Variants in KLF7 observed in about 807,000 individuals in gnomAD.
The protein encoded by KLF7 is Krueppel-like factor 7.
KLF7 carries 2 observed loss-of-function variants against 27.3 expected under a neutral mutation model. That is an observed-to-expected ratio of 0.07 (90% CI 0.03 to 0.23). The LOEUF (loss-of-function observed/expected upper bound fraction) is 0.23, where lower values mean the gene tolerates loss of function less well. Among genes scored for constraint, KLF7 ranks in the 10% least tolerant of loss-of-function variants. The probability of loss-of-function intolerance (pLI) is 1.00; values close to 1 mark genes in which losing one functional copy is unlikely to be tolerated. For synonymous variants in KLF7, 165 were observed against 162.4 expected, an observed-to-expected ratio of 1.02 and a Z score of -0.12; for missense variants, 221 against 394.1, an observed-to-expected ratio of 0.56 and a Z score of 3.72.
At chr2:207,102,174 C>T (rs1458989398) in intron 2 of KLF7, among the ~76,000 whole-genome samples, 1 of 151,538 alleles carries the variant, frequency 6.6e-6, no homozygotes. Flanking sequence ...CCCTCCCCCC[C>T]AATCTGCAAA....
chr2:207,136,145 T>C (rs2106038319), intron 1 of KLF7, among the ~76,000 whole-genome samples: 2 of 152,268 alleles, frequency 1.3e-5, no homozygotes, highest in African/African-American at 4.8e-5. Context: ...TCCAGCAAAC[T>C]ACTGAATCTG....
chr2:207,168,250 GGACATATCGGTTA>G (rs1451732079), upstream of KLF7, among the ~76,000 whole-genome samples: 14 of 152,162 alleles, frequency 9.2e-5, no homozygotes, highest in Non-Finnish European at 1.5e-4. Context: ...GAATAAAATA[GGACATATCGGTTA>G]ACGTGAGTTT....
At chr2:207,141,397 T>C (rs980689896) in intron 1 of KLF7, among the ~76,000 whole-genome samples, 3 of 152,090 alleles carry the variant, frequency 2.0e-5, no homozygotes, top group African/African-American at 7.2e-5. Flanking sequence ...TAACACATCT[T>C]CCCATAAATC....
At chr2:207,146,747 C>T (rs376581884) in intron 1 of KLF7, among the ~76,000 whole-genome samples, 9 of 152,084 alleles carry the variant, frequency 5.9e-5, no homozygotes, top group Non-Finnish European at 1.2e-4. Context: ...ACCAGAAAAA[C>T]GGAAGAAAGA....
chr2:207,166,246 G>A (rs1406408247), upstream of KLF7: 3 of 927,044 alleles, frequency 3.2e-6, no homozygotes, highest in Admixed American at 6.2e-5. Context: ...GGAGCCCGGA[G>A]CAGAGCCTGG....
intron 1 of KLF7, among the ~76,000 whole-genome samples, chr2:207,136,995 C>T (rs536742541): frequency 6.6e-6 from 1 of 152,226 alleles, no homozygotes; most frequent in East Asian, 1.9e-4. Context: ...TTGTGGCTGC[C>T]CATTTCAAAT....
rs1319035443 is a variant in KLF7 at position 207,165,945 on chromosome 2, T to C, written c.-377A>G. 9.5e-7 allele frequency: 1 copy of C among 1,057,440 alleles called. No homozygotes were observed. Among genetic ancestry groups the C allele is most frequent in the Non-Finnish European group, 1.1e-6 (1 of 873,342 alleles). 65.5% of individuals were successfully genotyped at this position (1,057,440 alleles called of 1,614,324 possible). ...AAGCTGCCATCTATTTCTGCAGCGC[T>C]GTTCGCTCCTAATGCAATCTTTGCT... On this transcript the variant is annotated 5_prime_UTR_variant, in exon 1 of 4. Coordinates refer to ENST00000309446, the MANE Select transcript of KLF7 (RefSeq NM_003709.4).
At position 207,074,558 on chromosome 2, in the gene KLF7, G is replaced by A. The variant is rs1384065734; in HGVS notation, c.*6655C>T. 6.6e-6 allele frequency: 1 copy of A among 152,024 alleles called. No individual in the cohort carries two copies. Among genetic ancestry groups the A allele is most frequent in the African/African-American group, 2.4e-5 (1 of 41,364 alleles). 9.4% of individuals were successfully genotyped at this position (152,024 alleles called of 1,614,324 possible). A position where few individuals can be genotyped will look rare whatever the true frequency, so the allele number is the denominator to read the frequency against. ...CAGCCAGCTGGATTTCCTGGCTTCCGGTTACCCATTTCCTCCCCACTCCAA... is the reference window on the plus strand; with the variant it reads ...CAGCCAGCTGGATTTCCTGGCTTCCAGTTACCCATTTCCTCCCCACTCCAA... On this transcript the variant is annotated 3_prime_UTR_variant, in exon 4 of 4. Coordinates refer to ENST00000309446, the MANE Select transcript of KLF7 (RefSeq NM_003709.4).
chr2:207,169,294 G>A (rs1237040783), upstream of KLF7, among the ~76,000 whole-genome samples: 1 of 151,974 alleles, frequency 6.6e-6, no homozygotes, highest in East Asian at 1.9e-4. Flanking sequence ...AAATAAATGA[G>A]GATATTTTAA....
rs1006386117 is a variant in KLF7, at chr2:207,075,008, G to T, written c.*6205C>A. ...TTTCTCCAAGAAAGAAAACTTTCAC[G>T]AAGTATGTAAGTACCCACTTGCGTC... On this transcript the variant is annotated 3_prime_UTR_variant, in exon 4 of 4. Coordinates refer to ENST00000309446, the MANE Select transcript of KLF7 (RefSeq NM_003709.4). The T allele has an allele frequency of 3.3e-5, 5 of 152,022 alleles. No homozygotes were observed. The highest frequency in any genetic ancestry group is 7.4e-5 in the Non-Finnish European group (5 of 68,010). 9.4% of individuals were successfully genotyped at this position (152,022 alleles called of 1,614,324 possible).
intron 1 of KLF7, among the ~76,000 whole-genome samples, chr2:207,150,473 G>A (rs553159063): frequency 3.3e-5 from 5 of 152,148 alleles, no homozygotes; most frequent in South Asian, 4.2e-4. Flanking sequence ...AACAAGAAGC[G>A]ATAGTTTAAG....
chr2:207,093,137 C>CT lies in KLF7; in HGVS notation c.734-4557dup. ...CTATATATTTCCATATAAATGGTCT[C>CT]TTTGACATCCACTGGATTTTATGCA... On this transcript the variant is annotated intron_variant, in intron 2 of 3. Transcript: ENST00000309446. 2.0e-5 allele frequency among the ~76,000 whole-genome samples: 3 copies of CT among 152,298 alleles called. No individual in the cohort carries two copies. In the East Asian group the frequency reaches 5.8e-4, roughly 29 times the overall value.
intron 2 of KLF7, among the ~76,000 whole-genome samples, chr2:207,090,320 G>A (rs988618397): frequency 6.6e-6 from 1 of 152,306 alleles, no homozygotes; most frequent in Non-Finnish European, 1.5e-5. Flanking sequence ...AAGATGTGCT[G>A]GCTGAAGAAA....
chr2:207,095,742 T>C (rs771292756), intron 2 of KLF7, among the ~76,000 whole-genome samples: 1 of 152,168 alleles, frequency 6.6e-6, no homozygotes, highest in African/African-American at 2.4e-5. Context: ...AAATTTAGCA[T>C]GAGATACCCT....
chr2:207,083,459 C>T (rs1376571599), intron 3 of KLF7, among the ~76,000 whole-genome samples: 2 of 152,132 alleles, frequency 1.3e-5, no homozygotes, highest in East Asian at 1.9e-4. Context: ...AAAGAAGGTA[C>T]CATTCTTATT....
At chr2:207,145,087 G>GT (rs2078061476) in intron 1 of KLF7, among the ~76,000 whole-genome samples, 1 of 152,176 alleles carries the variant, frequency 6.6e-6, no homozygotes. Context: ...TGGAACTCTC[G>GT]TATCTATATT....
rs1384083908 is a variant in KLF7 at position 207,165,401 on chromosome 2, C to T, written c.102+66G>A. The T allele has an allele frequency of 3.1e-6, 5 of 1,610,280 alleles. No homozygotes were observed. The African/African-American group carries it at 6.7e-5, about 22-fold the overall frequency. On this transcript the variant is annotated intron_variant, in intron 1 of 3. Transcript: ENST00000309446. ...AACAAAAATTTCAACCCAGAGCCCA[C>T]ACCAACGCAGCCCCTGCGTCTCCGC...
At chr2:207,166,961 T>TC (rs2078733587), upstream of KLF7, 1 of 576,322 alleles carries the variant, frequency 1.7e-6, no homozygotes, top group African/African-American at 2.1e-5. Context: ...CCGCCCTCCC[T>TC]CCCGCGCCTC....
In KLF7 at chr2:207,079,092, T is replaced by A. The variant is rs1410706284; in HGVS notation, c.*2121A>T. ...TTTTTTTTTTGTTTTTGTTTTTGTT[T>A]TTTTTGGTCTAAATAGAAAAAAGGA... is the stretch of plus-strand genomic sequence containing the variant. On this transcript the variant is annotated 3_prime_UTR_variant, in exon 4 of 4. Coordinates refer to ENST00000309446, the MANE Select transcript of KLF7 (RefSeq NM_003709.4). 6.6e-6 allele frequency: 1 copy of A among 152,004 alleles called. No homozygotes were observed. Among genetic ancestry groups the A allele is most frequent in the East Asian group, 1.9e-4 (1 of 5,188 alleles). 9.4% of individuals were successfully genotyped at this position (152,004 alleles called of 1,614,324 possible).
Sources: allele counts gnomAD v4.1 joint callset (sites outside exome capture counted in the v4.1 genomes callset), GRCh38; gene constraint gnomAD v4.1.1; transcripts MANE v1.5; gene names NCBI Gene and HGNC (gene_info 2026-07-23, HGNC 2026-07-21).